ABCC3: variants seen among roughly 807,000 people sequenced by gnomAD.
The protein encoded by ABCC3 is ATP-binding cassette sub-family C member 3.
A neutral mutation model predicts 165.3 loss-of-function variants in ABCC3; 121 were observed. The observed-to-expected ratio is 0.73, with a 90% CI of 0.63 to 0.85. The LOEUF (loss-of-function observed/expected upper bound fraction) is 0.85. Ranked by LOEUF, ABCC3 falls within the 40% of genes least tolerant of loss-of-function variation. ABCC3 has a pLI of 0.00. For missense variants in ABCC3, 1,869 were observed against 1,964.1 expected, an observed-to-expected ratio of 0.95 and a Z score of 0.92; for synonymous variants, 733 against 810.1, an observed-to-expected ratio of 0.90 and a Z score of 1.62.
intron 30 of ABCC3, among the ~76,000 whole-genome samples, chr17:50,690,187 C>T (rs922176290): frequency 1.1e-4 from 16 of 152,042 alleles, no homozygotes; most frequent in Non-Finnish European, 1.8e-4. Flanking sequence ...GGCTGGAGTG[C>T]GTGGGAGGGA....
At position 50,658,240 on chromosome 17, in the gene ABCC3, C is replaced by G. The variant is rs752647996; in HGVS notation, c.612+33C>G. On this transcript the variant is annotated intron_variant, in intron 5 of 30. Coordinates refer to ENST00000285238, the MANE Select transcript of ABCC3 (RefSeq NM_003786.4). ...TCCCATGGAGGGTGCGGGGGCTCCA[C>G]AGCTGAGTCCTCAGCCCAACTCTGA... 4.3e-6 allele frequency: 7 copies of G among 1,614,086 alleles called. No homozygotes were observed. In the East Asian group the frequency reaches 1.6e-4, roughly 36 times the overall value.
At chr17:50,681,711 C>T (rs1233208029) in intron 26 of ABCC3, among the ~76,000 whole-genome samples, 1 of 152,224 alleles carries the variant, frequency 6.6e-6, no homozygotes, top group Non-Finnish European at 1.5e-5. Flanking sequence ...ACGGAGACAG[C>T]TCACCAGTGA....
intron 28 of ABCC3, 103 bp downstream of exon 28, chr17:50,684,210 G>C (rs1260266806): frequency 1.4e-6 from 2 of 1,432,050 alleles, no homozygotes; most frequent in African/African-American, 2.9e-5. Flanking sequence ...CAGTCTCAGA[G>C]GCTTGGGCAG....
intron 1 of ABCC3, 128 bp from the exon 2 acceptor site, chr17:50,655,701 TCTC>T: frequency 3.9e-6 from 3 of 773,456 alleles, no homozygotes; most frequent in East Asian, 2.7e-5. Flanking sequence ...TTGTGTACTC[TCTC>T]CTCCTCACCT....
chr17:50,690,216 G>C (rs546332986), intron 30 of ABCC3, among the ~76,000 whole-genome samples: 3 of 152,314 alleles, frequency 2.0e-5, no homozygotes, highest in South Asian at 4.1e-4. Flanking sequence ...AACCAAGATG[G>C]GGGTGGAGAA....
intron 1 of ABCC3, among the ~76,000 whole-genome samples, chr17:50,641,024 A>C (rs528486142): frequency 6.6e-6 from 1 of 152,280 alleles, no homozygotes; most frequent in East Asian, 1.9e-4. Flanking sequence ...TTCTCATGAC[A>C]GAGACTGTCA....
At position 50,679,773 on chromosome 17, in the gene ABCC3, C is replaced by T. The variant is rs186049592; in HGVS notation, c.3706-25C>T. 1.2e-3 allele frequency: 1,862 copies of T among 1,602,554 alleles called. 1 individual carries two copies. The highest frequency in any genetic ancestry group is 3.8e-3 in the East Asian group (172 of 44,820). Reference sequence around the variant, plus strand: ...ACGGTGGGGAGGGGAGATCGCCATACGTATAACCCAGTCCCTTTGGCCAGG... The same window carrying T: ...ACGGTGGGGAGGGGAGATCGCCATATGTATAACCCAGTCCCTTTGGCCAGG... On this transcript the variant is annotated intron_variant, in intron 25 of 30. Coordinates refer to ENST00000285238, the MANE Select transcript of ABCC3 (RefSeq NM_003786.4).
chr17:50,669,033 C>T, intron 15 of ABCC3, 107 bp from the exon 16 acceptor site: 1 of 1,594,602 alleles, frequency 6.3e-7, no homozygotes, highest in Non-Finnish European at 8.6e-7. Flanking sequence ...TTCAGCCTGC[C>T]AGGGGGGTGT....
intron 17 of ABCC3, among the ~76,000 whole-genome samples, chr17:50,670,660 C>G (rs1038167026): frequency 6.6e-6 from 1 of 152,116 alleles, no homozygotes; most frequent in Non-Finnish European, 1.5e-5. Flanking sequence ...ACAGGAATGC[C>G]TGCAGAGTTG....
intron 19 of ABCC3, chr17:50,674,166 A>C (rs1414669948): frequency 6.6e-6 from 1 of 150,950 alleles, no homozygotes; most frequent in Non-Finnish European, 1.5e-5. Flanking sequence ...TCCCAGGTTC[A>C]AGTGATTCTC....
chr17:50,665,138 C>T lies in ABCC3; in HGVS notation c.1339-15C>T. On this transcript the variant is annotated splice_polypyrimidine_tract_variant and intron_variant, in intron 10 of 30. Transcript: ENST00000285238. ...TCTGTCCCTATGTGTCATCTATCCA[C>T]CGGTGCCTCCTCAGAACCTAGGTCC... is the stretch of plus-strand genomic sequence containing the variant. 6.2e-7 allele frequency: 1 copy of T among 1,612,548 alleles called. No homozygotes were observed. The highest frequency in any genetic ancestry group is 8.5e-7 in the Non-Finnish European group (1 of 1,178,544).
chr17:50,678,131 TG>T lies in ABCC3; in HGVS notation c.3619del (p.Val1207CysfsTer15), dbSNP rs1268854036. ...GGAGTGGAGTTCGTGGGGAACTGCG[TG>T]GTGCTCTTTGCTGCACTATTTGCCG... ...SIGVEFVGNC[V>X]VLFAALFAVI... On this transcript the variant is annotated frameshift_variant, in exon 25 of 31. Transcript: ENST00000285238. LOFTEE classifies it high-confidence loss of function. The T allele has an allele frequency of 6.3e-7, 1 of 1,579,936 alleles. No homozygotes were observed. The highest frequency in any genetic ancestry group is 8.6e-7 in the Non-Finnish European group (1 of 1,163,038).
chr17:50,673,967 T>TCCTTCCTTCCTTCCTTC (rs1393138560), intron 19 of ABCC3, among the ~76,000 whole-genome samples: 3 of 16,554 alleles, frequency 1.8e-4, no homozygotes, highest in Admixed American at 9.0e-4. Context: ...TTTCTTTCTT[T>TCCTTCCTTCCTTCCTTC]CTTTCTTTCT....
intron 7 of ABCC3, among the ~76,000 whole-genome samples, chr17:50,660,209 C>T (rs1455986359): frequency 2.0e-5 from 3 of 152,122 alleles, no homozygotes; most frequent in Non-Finnish European, 2.9e-5. Flanking sequence ...CTGGAGGCGG[C>T]GGCTGAATGA....
At chr17:50,643,791 G>A in intron 1 of ABCC3, 1 of 366,542 alleles carries the variant, frequency 2.7e-6, no homozygotes, top group South Asian at 2.0e-5. Flanking sequence ...TTAGGATGAA[G>A]TGAGTTGGCT....
At chr17:50,681,561 C>G (rs185233793) in intron 26 of ABCC3, among the ~76,000 whole-genome samples, 3 of 152,136 alleles carry the variant, frequency 2.0e-5, no homozygotes, top group Non-Finnish European at 2.9e-5. Flanking sequence ...AACCCTCCCC[C>G]CTGCACTCCA....
intron 1 of ABCC3, among the ~76,000 whole-genome samples, chr17:50,654,335 G>A (rs957111007): frequency 4.6e-5 from 7 of 152,146 alleles, no homozygotes; most frequent in African/African-American, 1.4e-4. Flanking sequence ...TAGTACATTA[G>A]TGGCCTTGGA....
At chr17:50,688,130 G>A (rs1202367207) in intron 30 of ABCC3, among the ~76,000 whole-genome samples, 3 of 151,844 alleles carry the variant, frequency 2.0e-5, no homozygotes, top group African/African-American at 7.3e-5. Flanking sequence ...GGCTGGTCTC[G>A]AACTCCTGAC....
intron 1 of ABCC3, among the ~76,000 whole-genome samples, chr17:50,639,286 C>T (rs1256837579): frequency 3.3e-5 from 5 of 152,140 alleles, no homozygotes; most frequent in Non-Finnish European, 7.3e-5. Flanking sequence ...CTTCTGGCTA[C>T]GGCATTTCAT....
Sources: gnomAD v4.1 joint callset for allele counts (sites outside exome capture counted in the v4.1 genomes callset) on GRCh38, gnomAD v4.1.1 for gene constraint, MANE v1.5 for transcripts, NCBI Gene and HGNC (gene_info 2026-07-23, HGNC 2026-07-21) for gene names.